PTCH2: variants seen among roughly 807,000 people sequenced by gnomAD.
The protein encoded by PTCH2 is patched 2, also known as protein patched homolog 2.
In PTCH2, 96 loss-of-function variants were observed where a neutral mutation model predicts 117.9. That is an observed-to-expected ratio of 0.81 (90% CI 0.69 to 0.96). PTCH2 has a LOEUF of 0.96. Among genes scored for constraint, PTCH2 ranks in the 50% least tolerant of loss-of-function variants. The pLI, the probability that PTCH2 is intolerant of heterozygous loss-of-function variation, is 0.00. For missense variants in PTCH2, 1,379 were observed against 1,562.5 expected (o/e 0.88, Z 1.98); for synonymous variants, 615 against 660.9 (o/e 0.93, Z 1.06).
At chr1:44,820,471 C>A, downstream of PTCH2, 2 of 684,956 alleles carry the variant, frequency 2.9e-6, no homozygotes, top group Non-Finnish European at 5.4e-6. Flanking sequence ...GGCACTGGGA[C>A]CTCACAGGAG....
Position 44,828,611 on chromosome 1 carries a change from C to T in PTCH2, c.1485G>A (p.Leu495=), listed in dbSNP as rs2148876568. 6 of 1,613,246 alleles carry T rather than the reference C, an allele frequency of 3.7e-6. No homozygotes were observed. Among genetic ancestry groups the T allele is most frequent in the Non-Finnish European group, 5.1e-6 (6 of 1,179,690 alleles). Residue 495 remains leucine, a synonymous_variant, in exon 12 of 22, where the codon CTG becomes CTA. Transcript: ENST00000372192. ...TPLQERMGEC[L]QRTGTSVVLT... is the part of the protein sequence containing the mutation. ...GTACGACACTGGTGCCCGTGCGCTG[C>T]AGACACTCGCCCATGCGCTCCTGCC...
intron 2 of PTCH2, among the ~76,000 whole-genome samples, chr1:44,839,073 A>T (rs1394766568): frequency 1.3e-5 from 2 of 151,600 alleles, no homozygotes; most frequent in Non-Finnish European, 2.9e-5. Context: ...GTGAGACTCC[A>T]TCTCTATGAA....
In PTCH2 at chr1:44,841,872, T is replaced by C; in HGVS notation, c.240A>G (p.Thr80=). 3.7e-6 allele frequency: 6 copies of C among 1,614,226 alleles called. No individual in the cohort carries two copies. The highest frequency in any genetic ancestry group is 4.2e-6 in the Non-Finnish European group (5 of 1,180,036). ...ALGLRMAIIE[T]NLEQLWVEVG... ...CTTCTACCCAGAGCTGTTCCAAGTTTGTCTCAATAATGGCCATGCGGAGAC... is the reference window on the plus strand; with the variant it reads ...CTTCTACCCAGAGCTGTTCCAAGTTCGTCTCAATAATGGCCATGCGGAGAC... The change falls in exon 2 of 22, where the codon ACA becomes ACG. Residue 80 remains threonine (T), a synonymous_variant. Transcript: ENST00000372192.
rs377239356 is a variant in PTCH2, at chr1:44,823,054, C to T, written c.3357+15G>A. ...TGGGCTGGGAGTAGAGGGATGGTGC[C>T]GAGGGTGTGGTCACCTCTGGCGGCG... On this transcript the variant is annotated intron_variant, in intron 21 of 21. Coordinates refer to ENST00000372192, the MANE Select transcript of PTCH2 (RefSeq NM_003738.5). The surrounding 1 kb of genome is among the most constrained non-coding windows in gnomAD (Gnocchi z 5.1). 1.3e-4 allele frequency: 203 copies of T among 1,609,890 alleles called. No homozygotes were observed. Among genetic ancestry groups the T allele is most frequent in the Non-Finnish European group, 1.6e-4 (186 of 1,178,464 alleles).
At chr1:44,821,299 G>A (rs144951430), downstream of PTCH2, among the ~76,000 whole-genome samples, 664 of 152,298 alleles carry the variant, frequency 4.4e-3, 7 homozygotes, top group Admixed American at 7.7e-3. Context: ...AACAACTTAC[G>A]CTGTGTCCTC....
intron 2 of PTCH2, among the ~76,000 whole-genome samples, 187 bp downstream of exon 2, chr1:44,841,660 T>G (rs1653952128): frequency 6.6e-6 from 1 of 152,206 alleles, no homozygotes; most frequent in Non-Finnish European, 1.5e-5. Context: ...GTCTAACATC[T>G]GCAGATGTCC....
chr1:44,821,954 A>G lies in PTCH2; in HGVS notation c.*461T>C, dbSNP rs749429001. 8 of 1,331,946 alleles carry G rather than the reference A, an allele frequency of 6.0e-6. No homozygotes were observed. The highest frequency in any genetic ancestry group is 7.9e-6 in the Non-Finnish European group (8 of 1,006,842). 82.5% of individuals were successfully genotyped at this position (1,331,946 alleles called of 1,614,324 possible). A position where few individuals can be genotyped will look rare whatever the true frequency, so the allele number is the denominator to read the frequency against. ...CATCTGAGATTAGTTCACATAGAAT[A>G]TATTTCATTCTTTAAAAAATAAAAC... On this transcript the variant is annotated 3_prime_UTR_variant, in exon 22 of 22. Coordinates refer to ENST00000372192, the MANE Select transcript of PTCH2 (RefSeq NM_003738.5).
chr1:44,824,168 T>A (rs1653038072), intron 19 of PTCH2, among the ~76,000 whole-genome samples: 1 of 152,240 alleles, frequency 6.6e-6, no homozygotes, highest in Non-Finnish European at 1.5e-5. Context: ...CTAGTCCATC[T>A]AGAAGAGGGA....
At position 44,826,870 on chromosome 1, in the gene PTCH2, G is replaced by A. The variant is rs1260876718; in HGVS notation, c.2695+32C>T. The A allele has an allele frequency of 2.5e-6, 4 of 1,613,752 alleles. No homozygotes were observed. Among genetic ancestry groups the A allele is most frequent in the Non-Finnish European group, 3.4e-6 (4 of 1,179,900 alleles). ...GCTCAGGGCTTGTGTGGGCGAGGCT[G>A]AGGCTCTTGCCGAGCTCCCCCCAAG... On this transcript the variant is annotated intron_variant, in intron 17 of 21. Coordinates refer to ENST00000372192, the MANE Select transcript of PTCH2 (RefSeq NM_003738.5). The surrounding 1 kb of genome is among the most constrained non-coding windows in gnomAD (Gnocchi z 5.1).
At position 44,822,621 on chromosome 1, in the gene PTCH2, G is replaced by C. The variant is rs759109850; in HGVS notation, c.3406C>G (p.Pro1136Ala). ...CCCCACCTAAGCCCGCCTCCCTGTG[G>C]AGCTGGTGGACTCAGGATCTCTGGG... ...ESPEILSPPA[P>A]QGGGLRWGAS... The change falls in exon 22 of 22, where the codon CCA becomes GCA. Residue 1136 changes from proline (P) to alanine (A), a missense_variant. Physicochemically the swap from Pro to Ala is conservative, Grantham distance 27 (BLOSUM62 -1). Coordinates refer to ENST00000372192, the MANE Select transcript of PTCH2 (RefSeq NM_003738.5). 8.7e-6 allele frequency: 14 copies of C among 1,614,026 alleles called. No homozygotes were observed. Among genetic ancestry groups the C allele is most frequent in the Non-Finnish European group, 1.0e-5 (12 of 1,179,954 alleles).
chr1:44,830,790 T>G, intron 6 of PTCH2, 58 bp downstream of exon 6: 1 of 1,476,262 alleles, frequency 6.8e-7, no homozygotes, highest in Non-Finnish European at 9.1e-7. Context: ...CACAGGAGTA[T>G]GAGGAAGGGA....
chr1:44,822,078 C>G lies in PTCH2; in HGVS notation c.*337G>C, dbSNP rs1652931701. On this transcript the variant is annotated 3_prime_UTR_variant, in exon 22 of 22. Transcript: ENST00000372192. ...TGGGCAGGGATATGGAGAGCCTGCC[C>G]AGGAGTCACCAGACGGAAGGGTGCT... 7.3e-7 allele frequency: 1 copy of G among 1,366,022 alleles called. No homozygotes were observed. The highest frequency in any genetic ancestry group is 1.5e-5 in the African/African-American group (1 of 68,350). 84.6% of individuals were successfully genotyped at this position (1,366,022 alleles called of 1,614,324 possible).
Position 44,834,902 on chromosome 1 carries a change from G to A in PTCH2, c.266-2561C>T, listed in dbSNP as rs554363182. 1.1e-4 allele frequency among the ~76,000 whole-genome samples: 17 copies of A among 152,290 alleles called. No individual in the cohort carries two copies. The East Asian group carries it at 3.1e-3, about 28-fold the overall frequency. On this transcript the variant is annotated intron_variant, in intron 2 of 21. Transcript: ENST00000372192. ...GAATAAATGCAGGCAAAGTACTTAG[G>A]AAATTGCATGGCACACAGTAGGTAC...
chr1:44,842,290 T>C (rs1653985381), intron 1 of PTCH2, among the ~76,000 whole-genome samples: 1 of 120,154 alleles, frequency 8.3e-6, no homozygotes, highest in Non-Finnish European at 1.8e-5. Flanking sequence ...TTTTTTTTTT[T>C]TTTTTTTGAG....
At chr1:44,842,824 C>G in intron 1 of PTCH2, 37 bp downstream of exon 1, 1 of 1,526,872 alleles carries the variant, frequency 6.5e-7, no homozygotes, top group South Asian at 1.2e-5. Context: ...AGACCTGGCT[C>G]CGCTCTCTTC....
intron 6 of PTCH2, among the ~76,000 whole-genome samples, chr1:44,830,598 A>AAAAAAAAAAAAAAAAAAAAAAAAAAAAC (rs1653394182): frequency 6.6e-6 from 1 of 150,448 alleles, no homozygotes; most frequent in East Asian, 1.9e-4. Context: ...AAAAAAAAAA[A>AAAAAAAAAAAAAAAAAAAAAAAAAAAAC]AAAAAAGAAG....
Position 44,831,554 on chromosome 1 carries a change from G to A in PTCH2, c.617+152C>T. The A allele has an allele frequency of 1.3e-6, 1 of 743,556 alleles. No homozygotes were observed. The highest frequency in any genetic ancestry group is 1.6e-5 in the South Asian group (1 of 60,922). 46.1% of individuals were successfully genotyped at this position (743,556 alleles called of 1,614,324 possible). A position where few individuals can be genotyped will look rare whatever the true frequency, so the allele number is the denominator to read the frequency against. Reference sequence around the variant, plus strand: ...GGGAAAGAGAAGGAGGATGTGGAGAGAGCCTTGGGGAAGCCCATGCTCTCT... The same window carrying A: ...GGGAAAGAGAAGGAGGATGTGGAGAAAGCCTTGGGGAAGCCCATGCTCTCT... On this transcript the variant is annotated intron_variant, in intron 5 of 21. Transcript: ENST00000372192. The surrounding 1 kb of genome is among the most constrained non-coding windows in gnomAD (Gnocchi z 4.3).
intron 2 of PTCH2, among the ~76,000 whole-genome samples, chr1:44,832,734 G>A (rs1399178036): frequency 4.6e-5 from 7 of 152,192 alleles, no homozygotes; most frequent in African/African-American, 7.2e-5. Flanking sequence ...TGGTGGGGAG[G>A]ACAAGGAGGG....
chr1:44,832,090 C>A, intron 3 of PTCH2, 46 bp from the exon 4 acceptor site: 2 of 1,611,452 alleles, frequency 1.2e-6, no homozygotes, highest in Non-Finnish European at 1.7e-6. Flanking sequence ...AAGGGGATTC[C>A]CACTCCAGAA....
Sources: allele counts gnomAD v4.1 joint callset (sites outside exome capture counted in the v4.1 genomes callset), GRCh38; gene constraint gnomAD v4.1.1; non-coding constraint Gnocchi (gnomAD v3.1); transcripts MANE v1.5; gene names NCBI Gene and HGNC (gene_info 2026-07-23, HGNC 2026-07-21).